SPOCK1: variants seen among roughly 807,000 people sequenced by gnomAD.
SPOCK1 encodes the protein testican-1.
In SPOCK1, 23 loss-of-function variants were observed where a neutral mutation model predicts 55.3. The observed-to-expected ratio is 0.42, with a 90% CI of 0.30 to 0.59. The LOEUF is 0.59. Among genes scored for constraint, SPOCK1 ranks in the 20% least tolerant of loss-of-function variants. The pLI, the probability that SPOCK1 is intolerant of heterozygous loss-of-function variation, is 0.22. For missense variants in SPOCK1, 499 were observed against 552.5 expected, an observed-to-expected ratio of 0.90 and a Z score of 0.97; for synonymous variants, 226 against 221.0, an observed-to-expected ratio of 1.02 and a Z score of -0.20.
At chr5:137,296,016 T>A (rs1009425887) in intron 2 of SPOCK1, among the ~76,000 whole-genome samples, 44 of 152,164 alleles carry the variant, frequency 2.9e-4, no homozygotes, top group African/African-American at 9.4e-4. Context: ...GGTGATTAGG[T>A]TGTGAGGGCA....
chr5:137,240,675 A>G (rs1193030701), intron 3 of SPOCK1, among the ~76,000 whole-genome samples: 1 of 152,230 alleles, frequency 6.6e-6, no homozygotes, highest in Non-Finnish European at 1.5e-5. Flanking sequence ...TGCTCTCCTA[A>G]TGATAACCTT....
chr5:137,440,450 C>G lies in SPOCK1; in HGVS notation c.186+57923G>C, dbSNP rs151112905. On this transcript the variant is annotated intron_variant, in intron 2 of 10. Coordinates refer to ENST00000394945, the MANE Select transcript of SPOCK1 (RefSeq NM_004598.4). ...AGGGATGTTCATTAAAGAGCAAAGC[C>G]AAGAGCTACAGGAATGATTACACAA... Among the ~76,000 whole-genome samples the G allele has an allele frequency of 7.5e-3, 1,142 of 152,250 alleles. 12 individuals are homozygous for G. Among genetic ancestry groups the G allele is most frequent in the African/African-American group, 0.026 (1,092 of 41,540 alleles).
At chr5:137,101,154 T>C (rs1254022751) in intron 5 of SPOCK1, among the ~76,000 whole-genome samples, 1 of 152,230 alleles carries the variant, frequency 6.6e-6, no homozygotes, top group Admixed American at 6.5e-5. Flanking sequence ...GAATATTCTG[T>C]TTGTCTCCTT....
intron 2 of SPOCK1, among the ~76,000 whole-genome samples, chr5:137,381,780 G>A (rs1486326295): frequency 1.3e-5 from 2 of 152,202 alleles, no homozygotes; most frequent in African/African-American, 4.8e-5. Context: ...AATGGGAGAG[G>A]CTGCCACAAA....
intron 4 of SPOCK1, among the ~76,000 whole-genome samples, chr5:137,132,955 C>T (rs1365158526): frequency 6.6e-6 from 1 of 152,110 alleles, no homozygotes; most frequent in African/African-American, 2.4e-5. Flanking sequence ...GTAAACCTGC[C>T]CCACTCACCC....
At chr5:137,436,995 G>A (rs1054087773) in intron 2 of SPOCK1, among the ~76,000 whole-genome samples, 6 of 152,170 alleles carry the variant, frequency 3.9e-5, no homozygotes, top group African/African-American at 1.4e-4. Flanking sequence ...AATGAGTGAC[G>A]AATGGGTCCG....
chr5:137,366,055 G>A (rs1365641511), intron 2 of SPOCK1, among the ~76,000 whole-genome samples: 1 of 152,190 alleles, frequency 6.6e-6, no homozygotes, highest in African/African-American at 2.4e-5. Flanking sequence ...TGCCATGGGA[G>A]GCAGGGACAG....
At chr5:137,469,963 G>A (rs1171565469) in intron 2 of SPOCK1, among the ~76,000 whole-genome samples, 2 of 152,156 alleles carry the variant, frequency 1.3e-5, no homozygotes, top group Non-Finnish European at 2.9e-5. Flanking sequence ...GGACCCAGAG[G>A]CTGGCTGTGA....
rs983716890 is a variant in SPOCK1, at chr5:137,079,541, C to CG, written c.475-11713_475-11712insC. Among the ~76,000 whole-genome samples the CG allele has an allele frequency of 1.1e-4, 16 of 149,588 alleles. 1 individual carries two copies. The highest frequency in any genetic ancestry group is 4.7e-4 in the Admixed American group (7 of 15,006). Reference sequence around the variant, plus strand: ...CTACCATCCCATCTGATTCCCCCCCCCCCCGACTTAGTGAAATGTCGTACC... The same window carrying CG: ...CTACCATCCCATCTGATTCCCCCCCCGCCCCGACTTAGTGAAATGTCGTACC... On this transcript the variant is annotated intron_variant, in intron 5 of 10. Transcript: ENST00000394945.
chr5:137,276,377 G>A (rs2961642), intron 2 of SPOCK1, among the ~76,000 whole-genome samples: 75,198 of 151,610 alleles, frequency 0.5, 18,869 homozygotes, highest in African/African-American at 0.56. Flanking sequence ...CTCTGCACTC[G>A]AGACACCCCT....
rs890724486 is a variant in SPOCK1, at chr5:137,238,664, A to C, written c.232+28346T>G. On this transcript the variant is annotated intron_variant, in intron 3 of 10. Transcript: ENST00000394945. ...GTAAAATCATGTAATCATTCCAAAGACACTGAAGAGGTACTGAGCAAAATT... is the reference window on the plus strand; with the variant it reads ...GTAAAATCATGTAATCATTCCAAAGCCACTGAAGAGGTACTGAGCAAAATT... 3.3e-5 allele frequency among the ~76,000 whole-genome samples: 5 copies of C among 152,270 alleles called. No homozygotes were observed. In the South Asian group the frequency reaches 1.0e-3, roughly 32 times the overall value.
intron 3 of SPOCK1, among the ~76,000 whole-genome samples, chr5:137,153,447 A>G (rs970754918): frequency 2.0e-5 from 3 of 152,212 alleles, no homozygotes; most frequent in African/African-American, 7.2e-5. Context: ...AACTCATTTT[A>G]TATGTCAAGT....
rs116238100 is a variant in SPOCK1, at chr5:137,416,134, G to A, written c.186+82239C>T. Among the ~76,000 whole-genome samples, 655 of 151,794 alleles carry A rather than the reference G, an allele frequency of 4.3e-3. 1 individual carries two copies. Among genetic ancestry groups the A allele is most frequent in the African/African-American group, 0.015 (638 of 41,376 alleles). ...GAACACATTTCTTGCTGAAAACAAC[G>A]CAAGCAAGACAGAAGAGCAACATCT... On this transcript the variant is annotated intron_variant, in intron 2 of 10. Coordinates refer to ENST00000394945, the MANE Select transcript of SPOCK1 (RefSeq NM_004598.4).
chr5:137,486,357 C>G (rs575508472), intron 2 of SPOCK1, among the ~76,000 whole-genome samples: 1 of 152,200 alleles, frequency 6.6e-6, no homozygotes, highest in Non-Finnish European at 1.5e-5. Flanking sequence ...AAGCCCAGCT[C>G]GCCAGAACTG....
At chr5:137,060,295 G>A (rs915322958) in intron 6 of SPOCK1, among the ~76,000 whole-genome samples, 1 of 152,170 alleles carries the variant, frequency 6.6e-6, no homozygotes, top group Non-Finnish European at 1.5e-5. Context: ...CATATCCTTT[G>A]CAGCAACATG....
At chr5:137,314,327 A>G (rs1274919105) in intron 2 of SPOCK1, among the ~76,000 whole-genome samples, 1 of 152,128 alleles carries the variant, frequency 6.6e-6, no homozygotes, top group Non-Finnish European at 1.5e-5. Context: ...AAGGCCTCCA[A>G]ACTCCAGCCT....
chr5:137,441,279 C>T (rs2149832141), intron 2 of SPOCK1, among the ~76,000 whole-genome samples: 1 of 152,250 alleles, frequency 6.6e-6, no homozygotes, highest in Admixed American at 6.5e-5. Flanking sequence ...GAAGTGGTAG[C>T]AGAGAAAAAT....
At chr5:137,293,898 TC>T (rs921527677) in intron 2 of SPOCK1, among the ~76,000 whole-genome samples, 3 of 152,272 alleles carry the variant, frequency 2.0e-5, no homozygotes, top group Middle Eastern at 3.4e-3. Context: ...GCGCCTGTAG[TC>T]CCAGCTACTC....
chr5:137,211,414 G>A (rs1050620055), intron 3 of SPOCK1, among the ~76,000 whole-genome samples: 4 of 152,144 alleles, frequency 2.6e-5, no homozygotes, highest in Non-Finnish European at 5.9e-5. Context: ...ATTTGGTCTC[G>A]GCCCCTGGTT....
Sources: allele counts gnomAD v4.1 joint callset (sites outside exome capture counted in the v4.1 genomes callset), GRCh38; gene constraint gnomAD v4.1.1; transcripts MANE v1.5; gene names NCBI Gene and HGNC (gene_info 2026-07-23, HGNC 2026-07-21).